The following PKHD1 variants were observed in gnomAD, a reference collection of about 807,000 sequenced individuals.
The protein encoded by PKHD1 is PKHD1 ciliary IPT domain containing fibrocystin/polyductin.
A neutral mutation model predicts 412.0 loss-of-function variants in PKHD1; 291 were observed. The ratio of observed to expected loss-of-function variants is 0.71; its 90% CI spans 0.64 to 0.78. The LOEUF (loss-of-function observed/expected upper bound fraction) is 0.78, where lower values mean the gene tolerates loss of function less well. Ranked by LOEUF, PKHD1 falls within the 30% of genes least tolerant of loss-of-function variation. PKHD1 has a pLI of 0.00. For missense variants in PKHD1, 4,825 were observed against 4,950.7 expected (o/e 0.97, Z 0.76); for synonymous variants, 1,777 against 1,821.5 (o/e 0.98, Z 0.62).
chr6:51,912,602 C>A (rs779127048), intron 37 of PKHD1, 26 bp from the exon 38 acceptor site: 1 of 1,469,582 alleles, frequency 6.8e-7, no homozygotes, highest in Non-Finnish European at 9.5e-7. Flanking sequence ...GAAAAGTTGT[C>A]CAGATAATTT....
intron 55 of PKHD1, among the ~76,000 whole-genome samples, chr6:51,760,333 T>C (rs1787784500): frequency 6.6e-6 from 1 of 152,016 alleles, no homozygotes; most frequent in Non-Finnish European, 1.5e-5. Context: ...ATATACCAAA[T>C]CAACAATAAC....
chr6:51,859,014 A>G (rs1029449960), intron 48 of PKHD1, among the ~76,000 whole-genome samples: 6 of 152,176 alleles, frequency 3.9e-5, no homozygotes, highest in African/African-American at 7.2e-5. Flanking sequence ...CACACAAGCA[A>G]TGTGCACTAA....
At chr6:52,001,939 C>T (rs1252153550) in intron 35 of PKHD1, among the ~76,000 whole-genome samples, 1 of 152,048 alleles carries the variant, frequency 6.6e-6, no homozygotes, top group African/African-American at 2.4e-5. Flanking sequence ...TGTGTAGTCT[C>T]ATTATGTATT....
rs1768178719 is a variant in PKHD1 at position 51,831,134 on chromosome 6, A to G, written c.8174-145T>C. On this transcript the variant is annotated intron_variant, in intron 51 of 66. Coordinates refer to ENST00000371117, the MANE Select transcript of PKHD1 (RefSeq NM_138694.4). The stretch of plus-strand genomic sequence containing the variant: ...ATAAGTTTCTGTACAAATATTTATC[A>G]GTTAAAAAGCAAGTAATTATTCAAT... The G allele has an allele frequency of 4.5e-6, 3 of 665,856 alleles. No individual in the cohort carries two copies. In the South Asian group the frequency reaches 5.2e-5, roughly 12 times the overall value. 41.2% of individuals were successfully genotyped at this position (665,856 alleles called of 1,614,324 possible). A position where few individuals can be genotyped will look rare whatever the true frequency, so the allele number is the denominator to read the frequency against.
chr6:52,062,770 G>C, intron 13 of PKHD1, 110 bp from the exon 14 acceptor site: 3 of 1,365,668 alleles, frequency 2.2e-6, no homozygotes, highest in African/African-American at 1.4e-5. Context: ...TACCTGTAAA[G>C]GTAAGTCAAC....
intron 35 of PKHD1, among the ~76,000 whole-genome samples, chr6:51,981,425 C>CGAGA (rs1221469704): frequency 6.6e-6 from 1 of 151,074 alleles, no homozygotes; most frequent in African/African-American, 2.4e-5. Flanking sequence ...GCTGCCATCT[C>CGAGA]GGCTCACTGC....
At chr6:51,868,180 T>C (rs1775394095) in intron 47 of PKHD1, 71 bp from the exon 48 acceptor site, 2 of 1,292,242 alleles carry the variant, frequency 1.5e-6, no homozygotes. Context: ...GGAGTGATGG[T>C]CTTAGGATTT....
At position 51,885,909 on chromosome 6, in the gene PKHD1, C is replaced by G. The variant is rs765985090; in HGVS notation, c.7173G>C (p.Leu2391=). 12 of 1,613,476 alleles carry G rather than the reference C, an allele frequency of 7.4e-6. No individual in the cohort carries two copies. The South Asian group carries it at 1.3e-4, about 18-fold the overall frequency. ...PPWDNVTGTT[L]FQSFTVWESA... ...TTTCCCAAACTGTGAAGCTCTGGAA[C>G]AGAGTGGTGCCAGTGACATTATCCC... The change falls in exon 45 of 67, where the codon CTG becomes CTC. Residue 2391 remains leucine, a synonymous_variant. Coordinates refer to ENST00000371117, the MANE Select transcript of PKHD1 (RefSeq NM_138694.4).
intron 39 of PKHD1, 136 bp from the exon 40 acceptor site, chr6:51,909,610 C>T (rs1243741718): frequency 9.9e-6 from 7 of 703,614 alleles, no homozygotes; most frequent in Non-Finnish European, 1.8e-5. Flanking sequence ...CTTATTTCCC[C>T]TTTTCTTTGA....
chr6:51,888,165 A>G (rs13197284), intron 43 of PKHD1, among the ~76,000 whole-genome samples: 14,291 of 152,244 alleles, frequency 0.094, 1,090 homozygotes, highest in African/African-American at 0.21. Flanking sequence ...TACAACTACA[A>G]CTCAAATCTC....
rs1477684262 is a variant in PKHD1 at position 51,618,184 on chromosome 6, C to T, written c.*897G>A. 2 of 152,144 alleles carry T rather than the reference C, an allele frequency of 1.3e-5. No individual in the cohort carries two copies. Among genetic ancestry groups the T allele is most frequent in the Non-Finnish European group, 2.9e-5 (2 of 68,050 alleles). The allele number at this position is 152,144 out of a possible 1,614,324, so 9.4% of individuals were successfully genotyped here. ...CTAGAGCAGTTGCATATGACATAAT[C>T]TCTCCTCTCCTTAGTATCACAGCTT... On this transcript the variant is annotated 3_prime_UTR_variant, in exon 67 of 67. Transcript: ENST00000371117.
intron 35 of PKHD1, among the ~76,000 whole-genome samples, chr6:52,006,341 T>G (rs2128107729): frequency 6.7e-6 from 1 of 148,328 alleles, no homozygotes; most frequent in Middle Eastern, 3.4e-3. Context: ...GGGCTGATTT[T>G]TTGGTTTGTT....
chr6:51,776,494 T>C (rs1019019037), intron 53 of PKHD1, among the ~76,000 whole-genome samples: 12 of 152,130 alleles, frequency 7.9e-5, no homozygotes, highest in Admixed American at 1.3e-4. Flanking sequence ...TTACACACCA[T>C]TATTATGGCA....
chr6:51,754,811 AG>A lies in PKHD1; in HGVS notation c.8769del (p.Tyr2924MetfsTer30). On this transcript the variant is annotated frameshift_variant, in exon 56 of 67. Coordinates refer to ENST00000371117, the MANE Select transcript of PKHD1 (RefSeq NM_138694.4). LOFTEE classifies it high-confidence loss of function. ...VKEVKGHHVR[I>X]YERLKHRHIG... ...ATATGCCGGTGTTTGAGCCGTTCAT[AG>A]ATCCTCACATGGTGGCCCTTGACTT... 6.2e-7 allele frequency: 1 copy of A among 1,613,726 alleles called. No homozygotes were observed.
At chr6:51,651,523 T>C (rs928740022) in intron 61 of PKHD1, among the ~76,000 whole-genome samples, 2 of 152,106 alleles carry the variant, frequency 1.3e-5, no homozygotes, top group Non-Finnish European at 2.9e-5. Context: ...AAAACTGTAA[T>C]AGATAAAAGC....
At chr6:51,781,862 C>T (rs1792068933) in intron 53 of PKHD1, among the ~76,000 whole-genome samples, 1 of 151,712 alleles carries the variant, frequency 6.6e-6, no homozygotes, top group Non-Finnish European at 1.5e-5. Context: ...CATTTCAAAG[C>T]AAAAATATTA....
intron 35 of PKHD1, among the ~76,000 whole-genome samples, chr6:51,991,498 A>G (rs1797036637): frequency 6.6e-6 from 1 of 152,248 alleles, no homozygotes; most frequent in Non-Finnish European, 1.5e-5. Context: ...TTAAAAAAAT[A>G]AAAGTAAATA....
intron 37 of PKHD1, among the ~76,000 whole-genome samples, chr6:51,916,476 C>A (rs1014695527): frequency 6.6e-6 from 1 of 152,112 alleles, no homozygotes; most frequent in Non-Finnish European, 1.5e-5. Context: ...GATATCAGCA[C>A]AAAGTTCTGA....
intron 50 of PKHD1, among the ~76,000 whole-genome samples, chr6:51,844,440 T>A (rs1472280868): frequency 6.6e-6 from 1 of 152,192 alleles, no homozygotes; most frequent in Non-Finnish European, 1.5e-5. Flanking sequence ...TTTTTCTTTG[T>A]CACTGGGAAT....
Sources: allele counts gnomAD v4.1 joint callset (sites outside exome capture counted in the v4.1 genomes callset), GRCh38; gene constraint gnomAD v4.1.1; transcripts MANE v1.5; gene names NCBI Gene and HGNC (gene_info 2026-07-23, HGNC 2026-07-21).